TNS4: variants seen among roughly 807,000 people sequenced by gnomAD.
TNS4 encodes the protein tensin 4, also known as tensin-4.
Under a neutral mutation model 70.4 loss-of-function variants are expected in TNS4, and 46 were observed. The ratio of observed to expected loss-of-function variants is 0.65; its 90% confidence interval spans 0.52 to 0.84. The LOEUF is 0.84. Among genes scored for constraint, TNS4 ranks in the 40% least tolerant of loss-of-function variants. The probability of loss-of-function intolerance (pLI) is 0.00; values close to 1 mark genes in which losing one functional copy is unlikely to be tolerated. For synonymous variants in TNS4, 390 were observed against 366.6 expected, an observed-to-expected ratio of 1.06 and a Z score of -0.73; for missense variants, 863 against 907.0, an observed-to-expected ratio of 0.95 and a Z score of 0.62.
chr17:40,486,898 G>A, intron 4 of TNS4, 138 bp downstream of exon 4: 1 of 1,131,050 alleles, frequency 8.8e-7, no homozygotes, highest in South Asian at 1.5e-5. Flanking sequence ...TTCCCTCTGT[G>A]TGTCCTCACT....
At chr17:40,487,508 A>C in intron 3 of TNS4, 48 bp from the exon 4 acceptor site, 3 of 1,552,446 alleles carry the variant, frequency 1.9e-6, no homozygotes, top group African/African-American at 1.4e-5. Flanking sequence ...CAGGTGGCTC[A>C]GGGGCTAGAG....
At chr17:40,494,211 T>G (rs1346471865) in intron 2 of TNS4, among the ~76,000 whole-genome samples, 1 of 152,236 alleles carries the variant, frequency 6.6e-6, no homozygotes, top group East Asian at 1.9e-4. Context: ...GAATGGCATA[T>G]GGTGTGCCAG....
chr17:40,480,073 T>C (rs1422630924), intron 9 of TNS4: 2 of 560,520 alleles, frequency 3.6e-6, no homozygotes, highest in Non-Finnish European at 6.3e-6. Context: ...CCCTCCAGCA[T>C]GGGGCAGGGG....
chr17:40,491,054 C>T (rs149718304), intron 2 of TNS4, among the ~76,000 whole-genome samples: 1 of 152,272 alleles, frequency 6.6e-6, no homozygotes, highest in African/African-American at 2.4e-5. Context: ...GCATTGTGGG[C>T]TCTGGAAGAA....
At chr17:40,478,800 G>T in intron 10 of TNS4, 152 bp from the exon 11 acceptor site, 1 of 787,668 alleles carries the variant, frequency 1.3e-6, no homozygotes, top group Non-Finnish European at 2.0e-6. Context: ...CTTTCCCACT[G>T]GGGGGCCCTG....
chr17:40,488,871 G>T lies in TNS4; in HGVS notation c.538C>A (p.Arg180Ser), dbSNP rs200910076. The T allele has an allele frequency of 9.9e-6, 16 of 1,613,432 alleles. No homozygotes were observed. The highest frequency in any genetic ancestry group is 1.3e-5 in the Non-Finnish European group (15 of 1,179,924). The change falls in exon 3 of 13, where the codon CGC (arginine) becomes AGC (serine). Residue 180 changes from arginine (R) to serine (S), a missense_variant. Coordinates refer to ENST00000254051, the MANE Select transcript of TNS4 (RefSeq NM_032865.6). ...PSVTPPFGSL[R>S]SGGLLLSRDV... is the part of the protein sequence containing the mutation. Reference sequence around the variant, plus strand: ...CTGGAAAGGAGGAGGCCACCACTGCGAAGGGAGCCGAAGGGCGGGGTGACA... The same window carrying T: ...CTGGAAAGGAGGAGGCCACCACTGCTAAGGGAGCCGAAGGGCGGGGTGACA...
Position 40,487,070 on chromosome 17 carries a change from GGTCTGGCT to G in TNS4, c.1246_1253del (p.Ser416ProfsTer29). ...ATGTGGTAAAGGGGGCATCTGACAG[GGTCTGGCT>G]GTTGCTCCTGGTGGCTGGACAGGGG... On this transcript the variant is annotated frameshift_variant, in exon 4 of 13. Coordinates refer to ENST00000254051, the MANE Select transcript of TNS4 (RefSeq NM_032865.6). LOFTEE classifies it high-confidence loss of function. 9 of 1,614,202 alleles carry G rather than the reference GGTCTGGCT, an allele frequency of 5.6e-6. No homozygotes were observed. Among genetic ancestry groups the G allele is most frequent in the Non-Finnish European group, 7.6e-6 (9 of 1,180,036 alleles).
chr17:40,491,425 G>T (rs572083635), intron 2 of TNS4, among the ~76,000 whole-genome samples: 1 of 152,346 alleles, frequency 6.6e-6, no homozygotes, highest in African/African-American at 2.4e-5. Flanking sequence ...GCTCAGAAAG[G>T]TGAAGTGAGT....
intron 8 of TNS4, among the ~76,000 whole-genome samples, chr17:40,481,807 C>T (rs931555701): frequency 6.6e-6 from 1 of 152,254 alleles, no homozygotes; most frequent in Non-Finnish European, 1.5e-5. Flanking sequence ...TTGATTTAGG[C>T]TCTTTCACCC....
intron 1 of TNS4, among the ~76,000 whole-genome samples, chr17:40,499,238 T>G (rs2036181331): frequency 6.6e-6 from 1 of 152,064 alleles, no homozygotes; most frequent in Non-Finnish European, 1.5e-5. Flanking sequence ...TAATTACCGG[T>G]GCGTGCAGCC....
Position 40,477,529 on chromosome 17 carries a change from AG to A in TNS4, c.*58del. 2 of 1,597,400 alleles carry A rather than the reference AG, an allele frequency of 1.3e-6. No individual in the cohort carries two copies. The highest frequency in any genetic ancestry group is 2.2e-5 in the South Asian group (2 of 89,366). On this transcript the variant is annotated 3_prime_UTR_variant, in exon 13 of 13. Coordinates refer to ENST00000254051, the MANE Select transcript of TNS4 (RefSeq NM_032865.6). ...CAAGCCACACCCATTCAGGGGGTGG[AG>A]GGGGGCTCCTTAGCGAGCCCCTGGA...
At position 40,478,287 on chromosome 17, in the gene TNS4, C is replaced by G. The variant is rs751139370; in HGVS notation, c.2006+20G>C. On this transcript the variant is annotated intron_variant, in intron 12 of 12. Transcript: ENST00000254051. ...CCCTCCCCATGTTGGGTTTGGGGCC[C>G]TGAGACAGGAAGGCCTTACCAGGAG... 2 of 1,613,822 alleles carry G rather than the reference C, an allele frequency of 1.2e-6. No individual in the cohort carries two copies. Among genetic ancestry groups the G allele is most frequent in the South Asian group, 2.2e-5 (2 of 91,020 alleles).
In TNS4 at chr17:40,496,240, G is replaced by A. The variant is rs781758030; in HGVS notation, c.186C>T (p.Pro62=). The change falls in exon 2 of 13, where the codon CCC becomes CCT. Residue 62 remains proline (P), a synonymous_variant. Coordinates refer to ENST00000254051, the MANE Select transcript of TNS4 (RefSeq NM_032865.6). ...GTGGGGCTTGCTGGAGTCGGCCAGG[G>A]GGCCCCATGCAGGGCACGGGGGCCA... is the stretch of plus-strand genomic sequence containing the variant. ...ALMAPVPCMG[P]PGRLQQAPQV... is the part of the protein sequence containing the mutation. 1 of 1,594,892 alleles carries A rather than the reference G, an allele frequency of 6.3e-7. No homozygotes were observed. Among genetic ancestry groups the A allele is most frequent in the East Asian group, 2.2e-5 (1 of 44,738 alleles).
intron 1 of TNS4, among the ~76,000 whole-genome samples, chr17:40,497,737 G>C (rs1013932851): frequency 6.6e-6 from 1 of 152,210 alleles, no homozygotes; most frequent in African/African-American, 2.4e-5. Flanking sequence ...GAGGAGATGG[G>C]GCGGGGGAGG....
chr17:40,495,881 A>G, intron 2 of TNS4, 106 bp downstream of exon 2: 1 of 1,273,312 alleles, frequency 7.9e-7, no homozygotes, highest in Non-Finnish European at 1.1e-6. Context: ...TTTGCACAGC[A>G]CCTCCCAACA....
chr17:40,501,146 A>T (rs2036209613), intron 1 of TNS4, among the ~76,000 whole-genome samples: 2 of 152,220 alleles, frequency 1.3e-5, no homozygotes, highest in Admixed American at 1.3e-4. Context: ...TGAGAAATGG[A>T]GAAGCTGAAG....
At chr17:40,500,694 T>TG (rs1361282769) in intron 1 of TNS4, among the ~76,000 whole-genome samples, 4 of 151,958 alleles carry the variant, frequency 2.6e-5, no homozygotes, top group Non-Finnish European at 5.9e-5. Context: ...AGGGAGAGGG[T>TG]GGGGCAAGGG....
intron 2 of TNS4, 137 bp from the exon 3 acceptor site, chr17:40,489,106 GC>G: frequency 1.3e-6 from 1 of 767,768 alleles, no homozygotes; most frequent in Non-Finnish European, 1.9e-6. Context: ...AGAGAGGAGA[GC>G]CCAACTCCAC....
intron 1 of TNS4, among the ~76,000 whole-genome samples, chr17:40,497,127 G>A (rs2036156191): frequency 6.6e-6 from 1 of 152,170 alleles, no homozygotes; most frequent in African/African-American, 2.4e-5. Flanking sequence ...ACAAGTAAGT[G>A]GGTGAACAAC....
Sources: allele counts gnomAD v4.1 joint callset (sites outside exome capture counted in the v4.1 genomes callset), GRCh38; gene constraint gnomAD v4.1.1; transcripts MANE v1.5; gene names NCBI Gene and HGNC (gene_info 2026-07-23, HGNC 2026-07-21).